Variants in SLCO4A1 observed in about 807,000 individuals in gnomAD.
SLCO4A1 encodes the protein colon organic anion transporter.
Under a neutral mutation model 64.6 loss-of-function variants are expected in SLCO4A1, and 51 were observed. The observed-to-expected ratio is 0.79, with a 90% CI of 0.63 to 1.00. The LOEUF (loss-of-function observed/expected upper bound fraction) is 1.00, where lower values mean the gene tolerates loss of function less well. SLCO4A1 is among the 50% of genes least tolerant of loss of function. The probability of loss-of-function intolerance (pLI) is 0.00; values close to 1 mark genes in which losing one functional copy is unlikely to be tolerated. For missense variants in SLCO4A1, 919 were observed against 980.5 expected, an observed-to-expected ratio of 0.94 and a Z score of 0.84; for synonymous variants, 471 against 444.9, an observed-to-expected ratio of 1.06 and a Z score of -0.74.
At position 62,666,451 on chromosome 20, in the gene SLCO4A1, C is replaced by T. The variant is rs147153778; in HGVS notation, c.1348C>T (p.Arg450Trp). 3.7e-4 allele frequency: 600 copies of T among 1,613,436 alleles called. 2 individuals are homozygous for T. In the Admixed American group the frequency reaches 8.1e-3, roughly 22 times the overall value. Residue 450 changes from arginine (R) to tryptophan (W), a missense_variant, in exon 7 of 12, where the codon CGG becomes TGG. Coordinates refer to ENST00000217159, the MANE Select transcript of SLCO4A1 (RefSeq NM_016354.4). ...CTTCTTTGTGAACAAGCTCAGGCTCCGGGGCTCCGCGGTCATCAAGTTCTG... is the reference window on the plus strand; with the variant it reads ...CTTCTTTGTGAACAAGCTCAGGCTCTGGGGCTCCGCGGTCATCAAGTTCTG... ...GGFFVNKLRL[R>W]GSAVIKFCLF...
chr20:62,664,651 GC>G (rs1190898151), intron 5 of SLCO4A1, among the ~76,000 whole-genome samples: 2 of 152,142 alleles, frequency 1.3e-5, no homozygotes, highest in African/African-American at 4.8e-5. Flanking sequence ...TCAGCCTGGC[GC>G]CCCCTGGGTT....
chr20:62,652,802 G>A (rs1019061968), intron 1 of SLCO4A1, among the ~76,000 whole-genome samples: 1 of 152,208 alleles, frequency 6.6e-6, no homozygotes, highest in Non-Finnish European at 1.5e-5. Flanking sequence ...TGGAATCTCT[G>A]CTGTCCGAGG....
intron 9 of SLCO4A1, 134 bp downstream of exon 9, chr20:62,668,318 G>A (rs6062760): frequency 1.6e-6 from 2 of 1,255,888 alleles, no homozygotes; most frequent in African/African-American, 1.5e-5. Flanking sequence ...ACTGGTGGCA[G>A]GAGAGACCTC....
Position 62,685,462 on chromosome 20 carries a change from A to C in SLCO4A1, n.233A>C. ...TAAGGAAGAAGAGAATGAATTTAGAAGGCTGTAAACCCCATCTGAGCCTTA... is the reference window on the plus strand; with the variant it reads ...TAAGGAAGAAGAGAATGAATTTAGACGGCTGTAAACCCCATCTGAGCCTTA... On this transcript the variant is annotated non_coding_transcript_exon_variant, in exon 3 of 3. Transcript: ENST00000466818. The surrounding 1 kb of genome is among the most constrained non-coding windows in gnomAD (Gnocchi z 4.6). 1 of 985,060 alleles carries C rather than the reference A, an allele frequency of 1.0e-6. No homozygotes were observed. 61.0% of individuals were successfully genotyped at this position (985,060 alleles called of 1,614,324 possible).
At position 62,644,541 on chromosome 20, in the gene SLCO4A1, C is replaced by T. The variant is rs562093153; in HGVS notation, c.-97+1988C>T. Among the ~76,000 whole-genome samples the T allele has an allele frequency of 7.2e-5, 11 of 152,344 alleles. No individual in the cohort carries two copies. In the South Asian group the frequency reaches 1.4e-3, roughly 20 times the overall value. On this transcript the variant is annotated intron_variant, in intron 1 of 11. Transcript: ENST00000217159. The surrounding 1 kb of genome is among the most constrained non-coding windows in gnomAD (Gnocchi z 5.4). The stretch of plus-strand genomic sequence containing the variant: ...CTTGCTAGACTAAGCCCAGAGAGGC[C>T]GGCTCTCCTCGGGGCTCTGATGGGC...
At chr20:62,668,907 G>A (rs1409135885) in intron 10 of SLCO4A1, 23 bp from the exon 11 acceptor site, 5 of 1,596,810 alleles carry the variant, frequency 3.1e-6, no homozygotes, top group Non-Finnish European at 4.2e-6. Flanking sequence ...GAGTGTGGGT[G>A]CTGAGTGGGC....
intron 2 of SLCO4A1, among the ~76,000 whole-genome samples, chr20:62,658,302 A>G (rs1047869378): frequency 6.6e-6 from 1 of 152,156 alleles, no homozygotes; most frequent in African/African-American, 2.4e-5. Context: ...GGCCTGTGGG[A>G]GAGTGAGCGT....
In SLCO4A1 at chr20:62,656,691, G is replaced by C. The variant is rs780996923; in HGVS notation, c.237G>C (p.Ser79=). The C allele has an allele frequency of 4.3e-6, 7 of 1,609,690 alleles. No homozygotes were observed. The highest frequency in any genetic ancestry group is 5.9e-6 in the Non-Finnish European group (7 of 1,178,556). The change falls in exon 2 of 12, where the codon TCG becomes TCC. Residue 79 remains serine (S), a synonymous_variant. Transcript: ENST00000217159. ...ARGTHEVRYV[S]AGQSVACGWW... is the part of the protein sequence containing the mutation. ...GGACCCATGAGGTGCGGTACGTCTC[G>C]GCCGGGCAGAGCGTGGCGTGCGGCT...
At chr20:62,673,563 T>C (rs1036201710), downstream of SLCO4A1, among the ~76,000 whole-genome samples, 3 of 142,746 alleles carry the variant, frequency 2.1e-5, 1 homozygote, top group Admixed American at 1.4e-4. Flanking sequence ...ACCACGACAC[T>C]GCCCAGCCCA....
At chr20:62,646,380 T>C (rs1475274744) in intron 1 of SLCO4A1, among the ~76,000 whole-genome samples, 1 of 152,224 alleles carries the variant, frequency 6.6e-6, no homozygotes, top group African/African-American at 2.4e-5. Flanking sequence ...GGGGAGGTCC[T>C]TTCCTCTTCC....
intron 3 of SLCO4A1, 31 bp from the exon 4 acceptor site, chr20:62,660,381 G>A (rs375807421): frequency 7.0e-5 from 112 of 1,593,504 alleles, no homozygotes; most frequent in Non-Finnish European, 8.7e-5. Context: ...TGGGCTGCAC[G>A]CTGACCCAGG....
At position 62,680,409 on chromosome 20, in the gene SLCO4A1, G is replaced by A. The variant is rs142256734; in HGVS notation, n.212-5032G>A. The stretch of plus-strand genomic sequence containing the variant: ...CTCCAGTACAATGTCAAATGGGAAC[G>A]GTGAGAGAAGGCATCCTTTACCTGT... On this transcript the variant is annotated intron_variant and non_coding_transcript_variant, in intron 2 of 2. Coordinates refer to the SLCO4A1 transcript ENST00000466818. Among the ~76,000 whole-genome samples, 32 of 152,278 alleles carry A rather than the reference G, an allele frequency of 2.1e-4. No homozygotes were observed. The East Asian group carries it at 2.1e-3, about 10-fold the overall frequency.
intron 11 of SLCO4A1, among the ~76,000 whole-genome samples, chr20:62,669,437 G>A (rs1986930676): frequency 1.3e-5 from 2 of 152,210 alleles, no homozygotes; most frequent in African/African-American, 4.8e-5. Flanking sequence ...GGCTGCTCCT[G>A]TTAGAGCGGC....
In SLCO4A1 at chr20:62,664,994, C is replaced by T. The variant is rs368603298; in HGVS notation, c.1182C>T (p.Thr394=). The T allele has an allele frequency of 1.4e-5, 22 of 1,613,728 alleles. No individual in the cohort carries two copies. Among genetic ancestry groups the T allele is most frequent in the Non-Finnish European group, 1.7e-5 (20 of 1,179,916 alleles). Reference sequence around the variant, plus strand: ...TCCTGCTCTGCCTGGCCGGGGCCACCGAGGCCACTCTCATCACCGGCATGT... The same window carrying T: ...TCCTGCTCTGCCTGGCCGGGGCCACTGAGGCCACTCTCATCACCGGCATGT... ...TFILLCLAGA[T]EATLITGMST... The change falls in exon 6 of 12, where the codon ACC becomes ACT. Residue 394 remains threonine, a synonymous_variant. Transcript: ENST00000217159.
intron 1 of SLCO4A1, among the ~76,000 whole-genome samples, chr20:62,655,290 G>A (rs946734177): frequency 7.7e-5 from 11 of 143,512 alleles, no homozygotes; most frequent in Non-Finnish European, 1.5e-4. Context: ...CAGCAGCCCC[G>A]GGAAGGACCC....
chr20:62,671,175 G>T (rs888061256), intron 11 of SLCO4A1, among the ~76,000 whole-genome samples: 1 of 152,240 alleles, frequency 6.6e-6, no homozygotes, highest in Non-Finnish European at 1.5e-5. Context: ...GGTGGTGACC[G>T]GCGACTGGCT....
chr20:62,679,475 C>T (rs1490678160), intron 2 of SLCO4A1, among the ~76,000 whole-genome samples: 1 of 152,092 alleles, frequency 6.6e-6, no homozygotes, highest in Non-Finnish European at 1.5e-5. Flanking sequence ...GATCCTCCCA[C>T]CTCAGCCTCC....
In SLCO4A1 at chr20:62,658,785, C is replaced by T. The variant is rs1444672524; in HGVS notation, c.887+18C>T. 6 of 1,577,578 alleles carry T rather than the reference C, an allele frequency of 3.8e-6. No individual in the cohort carries two copies. The highest frequency in any genetic ancestry group is 1.3e-5 in the African/African-American group (1 of 74,374). ...GGCCGACGGTGAGTGGCCGCGCACCCAGCTGCCTGCGCTGGAGAGGCCCAC... is the reference window on the plus strand; with the variant it reads ...GGCCGACGGTGAGTGGCCGCGCACCTAGCTGCCTGCGCTGGAGAGGCCCAC... On this transcript the variant is annotated intron_variant, in intron 3 of 11. Transcript: ENST00000217159.
chr20:62,673,985 C>T (rs1429515309), downstream of SLCO4A1, among the ~76,000 whole-genome samples: 2 of 152,250 alleles, frequency 1.3e-5, no homozygotes, highest in Non-Finnish European at 2.9e-5. Flanking sequence ...TCTCCATGGG[C>T]ATGGACCTCA....
Sources: gnomAD v4.1 joint callset for allele counts (sites outside exome capture counted in the v4.1 genomes callset) on GRCh38, gnomAD v4.1.1 for gene constraint, Gnocchi (gnomAD v3.1) non-coding constraint, MANE v1.5 for transcripts, NCBI Gene and HGNC (gene_info 2026-07-23, HGNC 2026-07-21) for gene names.